The following ARHGAP12 variants were observed in gnomAD, a reference collection of about 807,000 sequenced individuals.
The protein encoded by ARHGAP12 is Rho GTPase activating protein 12.
Under a neutral mutation model 108.6 loss-of-function variants are expected in ARHGAP12, and 64 were observed. The observed-to-expected ratio is 0.59, with a 90% CI of 0.48 to 0.73. ARHGAP12 has a LOEUF of 0.73. Ranked by LOEUF, ARHGAP12 falls within the 30% of genes least tolerant of loss-of-function variation. ARHGAP12 has a pLI of 0.00. For missense variants in ARHGAP12, 940 were observed against 1,005.9 expected (o/e 0.93, Z 0.89); for synonymous variants, 312 against 337.2 (o/e 0.93, Z 0.82).
intron 13 of ARHGAP12, among the ~76,000 whole-genome samples, chr10:31,816,185 G>C (rs1291852819): frequency 1.3e-5 from 2 of 150,886 alleles, no homozygotes; most frequent in Admixed American, 1.3e-4. Flanking sequence ...GTGTGTGTGT[G>C]TGTGTGTGTG....
intron 9 of ARHGAP12, among the ~76,000 whole-genome samples, chr10:31,836,615 T>C (rs1356784949): frequency 6.6e-6 from 1 of 152,180 alleles, no homozygotes; most frequent in East Asian, 1.9e-4. Context: ...TGGTATCATT[T>C]CCACTTCTAA....
In ARHGAP12 at chr10:31,915,204, T is replaced by C. The variant is rs1014213375; in HGVS notation, c.-110-4641A>G. ...GGGTTCGAGACCAGCCTGACCAACA[T>C]GGAGAAACTCCGTCTCTACTAAAAA... On this transcript the variant is annotated intron_variant, in intron 1 of 19. Coordinates refer to ENST00000344936, the MANE Select transcript of ARHGAP12 (RefSeq NM_018287.7). Among the ~76,000 whole-genome samples, 6 of 152,164 alleles carry C rather than the reference T, an allele frequency of 3.9e-5. 1 individual carries two copies.
At chr10:31,848,586 A>G (rs776207641) in intron 6 of ARHGAP12, among the ~76,000 whole-genome samples, 20 of 152,156 alleles carry the variant, frequency 1.3e-4, no homozygotes, top group Non-Finnish European at 1.3e-4. Flanking sequence ...GTCCCTGTCT[A>G]AAGTTTATGC....
intron 3 of ARHGAP12, among the ~76,000 whole-genome samples, chr10:31,867,708 T>C (rs1290131175): frequency 1.3e-5 from 2 of 152,042 alleles, no homozygotes; most frequent in African/African-American, 4.8e-5. Flanking sequence ...TTTTAGACCC[T>C]TGAACAAACG....
chr10:31,817,727 AT>A, intron 13 of ARHGAP12, 60 bp downstream of exon 13: 3 of 1,122,854 alleles, frequency 2.7e-6, no homozygotes, highest in Non-Finnish European at 3.9e-6. Context: ...CCAATAAGCA[AT>A]TAAAAAAAAA....
In ARHGAP12 at chr10:31,861,473, T is replaced by A. The variant is rs1360686442; in HGVS notation, c.870A>T (p.Glu290Asp). The change falls in exon 4 of 20, where the codon GAA becomes GAT. Residue 290 changes from glutamate (E) to aspartate (D), a missense_variant. Glu to Asp is a conservative substitution (Grantham distance 45, BLOSUM62 2). Transcript: ENST00000344936. ...TCCAACGAGGAGGTTTCCAAGTTCT[T>A]TCCTGTGTCCCTCTGTTATAGTAAT... is the stretch of plus-strand genomic sequence containing the variant. Reference protein sequence around the residue: ...RCYYYNRGTQERTWKPPRWTR... With the variant: ...RCYYYNRGTQDRTWKPPRWTR... The A allele has an allele frequency of 6.2e-7, 1 of 1,614,200 alleles. No individual in the cohort carries two copies.
At position 31,908,883 on chromosome 10, in the gene ARHGAP12, T is replaced by A. The variant is rs376383474; in HGVS notation, c.-28A>T. Reference sequence around the variant, plus strand: ...AATAATATTCACCTCTCAAAAAGGATGTTATACCACATTATGGCTTTATGG... The same window carrying A: ...AATAATATTCACCTCTCAAAAAGGAAGTTATACCACATTATGGCTTTATGG... On this transcript the variant is annotated 5_prime_UTR_variant, in exon 3 of 20. Coordinates refer to ENST00000344936, the MANE Select transcript of ARHGAP12 (RefSeq NM_018287.7). 8 of 1,542,906 alleles carry A rather than the reference T, an allele frequency of 5.2e-6. No homozygotes were observed. The highest frequency in any genetic ancestry group is 1.4e-5 in the African/African-American group (1 of 73,394).
At chr10:31,826,195 C>T in intron 11 of ARHGAP12, 109 bp downstream of exon 11, 2 of 731,880 alleles carry the variant, frequency 2.7e-6, no homozygotes, top group Admixed American at 3.1e-5. Context: ...TTTTTATTTG[C>T]ACACTAGCTA....
At chr10:31,907,250 A>G (rs1457155085) in intron 3 of ARHGAP12, among the ~76,000 whole-genome samples, 1 of 152,108 alleles carries the variant, frequency 6.6e-6, no homozygotes, top group African/African-American at 2.4e-5. Flanking sequence ...TCAAGTTTCA[A>G]TTTCACGTAT....
At chr10:31,912,382 A>G (rs566406373) in intron 1 of ARHGAP12, among the ~76,000 whole-genome samples, 446 of 152,290 alleles carry the variant, frequency 2.9e-3, no homozygotes, top group Non-Finnish European at 4.3e-3. Flanking sequence ...GTACGGTTTC[A>G]CACTAGTGGG....
At chr10:31,834,591 CA>C (rs1440401876) in intron 9 of ARHGAP12, among the ~76,000 whole-genome samples, 2 of 152,168 alleles carry the variant, frequency 1.3e-5, no homozygotes, top group Non-Finnish European at 2.9e-5. Flanking sequence ...ACCCTTAATG[CA>C]AAGTACAATT....
chr10:31,854,229 G>A (rs576606216), intron 4 of ARHGAP12, 23 bp from the exon 5 acceptor site: 4 of 1,570,756 alleles, frequency 2.5e-6, no homozygotes, highest in African/African-American at 2.8e-5. Context: ...AGAAACATAA[G>A]GATTTTTCTT....
intron 1 of ARHGAP12, among the ~76,000 whole-genome samples, chr10:31,912,353 G>A (rs1366212472): frequency 6.6e-6 from 1 of 152,180 alleles, no homozygotes; most frequent in Non-Finnish European, 1.5e-5. Flanking sequence ...AAAGAAGGAT[G>A]AAGAATAACA....
At chr10:31,881,290 G>C (rs185075826) in intron 3 of ARHGAP12, among the ~76,000 whole-genome samples, 2 of 151,376 alleles carry the variant, frequency 1.3e-5, no homozygotes, top group Admixed American at 1.3e-4. Context: ...CTTGCCTAAA[G>C]CAGTAACATT....
chr10:31,896,623 GA>G (rs1236889195), intron 3 of ARHGAP12, among the ~76,000 whole-genome samples: 3 of 151,802 alleles, frequency 2.0e-5, no homozygotes, highest in Admixed American at 6.6e-5. Flanking sequence ...TTATGAGGGG[GA>G]AAAAAAGGGC....
intron 3 of ARHGAP12, among the ~76,000 whole-genome samples, chr10:31,863,766 C>G (rs1275491969): frequency 6.6e-6 from 1 of 152,026 alleles, no homozygotes; most frequent in Admixed American, 6.6e-5. Flanking sequence ...TCTTTAGATT[C>G]ATAGATAAAC....
chr10:31,836,699 A>G (rs1207214707), intron 9 of ARHGAP12, among the ~76,000 whole-genome samples: 1 of 152,154 alleles, frequency 6.6e-6, no homozygotes, highest in East Asian at 1.9e-4. Flanking sequence ...AAAGAGGGAA[A>G]TATCTCCCTG....
At chr10:31,827,810 C>A (rs868603447) in intron 10 of ARHGAP12, among the ~76,000 whole-genome samples, 6,199 of 142,246 alleles carry the variant, frequency 0.044, 527 homozygotes, top group African/African-American at 0.15. Context: ...AAAACAAAAA[C>A]AAAAAAAAAA....
In ARHGAP12 at chr10:31,859,250, T is replaced by C. The variant is rs1439305548; in HGVS notation, c.948+2145A>G. Among the ~76,000 whole-genome samples, 3 of 152,036 alleles carry C rather than the reference T, an allele frequency of 2.0e-5. No homozygotes were observed. The East Asian group carries it at 5.8e-4, about 29-fold the overall frequency. On this transcript the variant is annotated intron_variant, in intron 4 of 19. Coordinates refer to ENST00000344936, the MANE Select transcript of ARHGAP12 (RefSeq NM_018287.7). The stretch of plus-strand genomic sequence containing the variant: ...ACCAAGACACAGACAGCCCTTACCG[T>C]GTATAGGCAAGAGACCTAAAGACAT...
Sources: allele counts gnomAD v4.1 joint callset (sites outside exome capture counted in the v4.1 genomes callset), GRCh38; gene constraint gnomAD v4.1.1; transcripts MANE v1.5; gene names NCBI Gene and HGNC (gene_info 2026-07-23, HGNC 2026-07-21).